The following TENM2 variants were observed in gnomAD, a reference collection of about 807,000 sequenced individuals.
The protein encoded by TENM2 is teneurin-2.
A neutral mutation model predicts 245.2 loss-of-function variants in TENM2; 52 were observed. That is an observed-to-expected ratio of 0.21 (90% CI 0.17 to 0.27). The LOEUF is 0.27. TENM2 is among the 10% of genes least tolerant of loss of function. The pLI, the probability that TENM2 is intolerant of heterozygous loss-of-function variation, is 1.00. For synonymous variants in TENM2, 1,363 were observed against 1,438.9 expected (o/e 0.95, Z 1.19); for missense variants, 3,046 against 3,666.8 (o/e 0.83, Z 4.37).
At chr5:167,416,582 A>T (rs1763179021) in intron 2 of TENM2, among the ~76,000 whole-genome samples, 1 of 152,224 alleles carries the variant, frequency 6.6e-6, no homozygotes, top group Non-Finnish European at 1.5e-5. Flanking sequence ...TATTGGCACG[A>T]CACCACATTA....
At chr5:168,182,491 C>A (rs1204444288) in intron 13 of TENM2, among the ~76,000 whole-genome samples, 1 of 152,176 alleles carries the variant, frequency 6.6e-6, no homozygotes, top group African/African-American at 2.4e-5. Flanking sequence ...AACTGAGCCA[C>A]AGGAATTCAG....
intron 2 of TENM2, among the ~76,000 whole-genome samples, chr5:167,571,176 A>G (rs373930560): frequency 2.6e-5 from 4 of 152,288 alleles, no homozygotes; most frequent in African/African-American, 9.6e-5. Context: ...TGCACTTGCT[A>G]TGTGCTGGGA....
At chr5:167,343,025 A>G (rs910157351) in intron 1 of TENM2, among the ~76,000 whole-genome samples, 1 of 152,016 alleles carries the variant, frequency 6.6e-6, no homozygotes, top group Non-Finnish European at 1.5e-5. Flanking sequence ...TTATTTATTT[A>G]TGTCAGTATG....
At chr5:167,763,015 C>T (rs1360240510) in intron 2 of TENM2, among the ~76,000 whole-genome samples, 1 of 152,182 alleles carries the variant, frequency 6.6e-6, no homozygotes. Context: ...TCCCAGTTCA[C>T]ACTTTCTCTT....
chr5:168,002,849 T>G (rs1339862064), intron 5 of TENM2, among the ~76,000 whole-genome samples: 1 of 152,226 alleles, frequency 6.6e-6, no homozygotes, highest in Non-Finnish European at 1.5e-5. Context: ...GGCATATGAT[T>G]GGCTGGTCGC....
At chr5:167,286,852 G>C (rs1373174953) in intron 1 of TENM2, among the ~76,000 whole-genome samples, 1 of 152,016 alleles carries the variant, frequency 6.6e-6, no homozygotes, top group Non-Finnish European at 1.5e-5. Context: ...CCAAGGACTG[G>C]GATTTTATTT....
chr5:168,200,812 TTAACC>T (rs1761873344), intron 17 of TENM2, among the ~76,000 whole-genome samples: 1 of 152,194 alleles, frequency 6.6e-6, no homozygotes, highest in African/African-American at 2.4e-5. Flanking sequence ...TAGATTAATC[TTAACC>T]TACCTTGTAT....
chr5:167,158,793 A>G, the TENM2 span, among the ~76,000 whole-genome samples: 20 of 151,738 alleles, frequency 1.3e-4, no homozygotes, highest in Non-Finnish European at 1.9e-4. Context: ...CACTGGGACT[A>G]GGGTTTCAAC....
chr5:167,573,727 A>T (rs886550542), intron 2 of TENM2, among the ~76,000 whole-genome samples: 1 of 152,176 alleles, frequency 6.6e-6, no homozygotes, highest in Non-Finnish European at 1.5e-5. Flanking sequence ...GCATGTATGC[A>T]GCTCAGTTTG....
At chr5:167,240,403 T>C in the TENM2 span, among the ~76,000 whole-genome samples, 1 of 152,124 alleles carries the variant, frequency 6.6e-6, no homozygotes, top group East Asian at 1.9e-4. Context: ...CAGCAAGCTT[T>C]CTTATTTTTT....
intron 2 of TENM2, among the ~76,000 whole-genome samples, chr5:167,647,320 G>C (rs1780028661): frequency 6.6e-6 from 1 of 152,080 alleles, no homozygotes; most frequent in Admixed American, 6.6e-5. Flanking sequence ...GACAAAGCAG[G>C]ACCATAAGAA....
intron 2 of TENM2, among the ~76,000 whole-genome samples, chr5:167,603,701 G>A (rs527259687): frequency 1.3e-5 from 2 of 152,180 alleles, no homozygotes; most frequent in African/African-American, 4.8e-5. Context: ...TAAAATAAGA[G>A]TAGTCTTTAA....
intron 2 of TENM2, among the ~76,000 whole-genome samples, chr5:167,557,437 C>T (rs1773326486): frequency 6.6e-6 from 1 of 152,176 alleles, no homozygotes; most frequent in African/African-American, 2.4e-5. Flanking sequence ...AAGCAAGTTA[C>T]TTTTACTCTC....
At chr5:167,332,334 C>T (rs1052528612) in intron 1 of TENM2, among the ~76,000 whole-genome samples, 2 of 151,906 alleles carry the variant, frequency 1.3e-5, no homozygotes, top group African/African-American at 4.8e-5. Context: ...TGTTTTTGTT[C>T]TATATTTGTA....
At chr5:167,986,408 A>T (rs1447909880) in intron 4 of TENM2, among the ~76,000 whole-genome samples, 1 of 152,208 alleles carries the variant, frequency 6.6e-6, no homozygotes, top group Non-Finnish European at 1.5e-5. Context: ...CCAAGCCCCT[A>T]ACCTGTGCCT....
At chr5:167,482,063 A>G (rs1767788838) in intron 2 of TENM2, among the ~76,000 whole-genome samples, 1 of 152,222 alleles carries the variant, frequency 6.6e-6, no homozygotes, top group East Asian at 1.9e-4. Flanking sequence ...CTATAGAGTT[A>G]TCTTTCAAAA....
intron 1 of TENM2, among the ~76,000 whole-genome samples, chr5:167,367,137 G>A (rs1760108843): frequency 1.3e-5 from 2 of 152,062 alleles, no homozygotes; most frequent in Admixed American, 1.3e-4. Flanking sequence ...TAAGCTTACA[G>A]GAAAACCTAG....
intron 2 of TENM2, chr5:167,653,288 T>G (rs999332498): frequency 1.3e-5 from 2 of 152,136 alleles, no homozygotes; most frequent in African/African-American, 4.8e-5. Context: ...TGGGGTCTCC[T>G]TTATTTCACA....
intron 1 of TENM2, among the ~76,000 whole-genome samples, chr5:167,350,269 C>G (rs1758743791): frequency 1.3e-5 from 2 of 152,072 alleles, no homozygotes; most frequent in African/African-American, 4.8e-5. Flanking sequence ...TCAGCCAACT[C>G]ACAATAGGAA....
Sources: gnomAD v4.1 joint callset for allele counts (sites outside exome capture counted in the v4.1 genomes callset) on GRCh38, gnomAD v4.1.1 for gene constraint, MANE v1.5 for transcripts, NCBI Gene and HGNC (gene_info 2026-07-23, HGNC 2026-07-21) for gene names.